Variants in CLINT1 observed in about 807,000 individuals in gnomAD.
The protein encoded by CLINT1 is clathrin interacting protein localized in the trans-Golgi region.
Under a neutral mutation model 70.4 loss-of-function variants are expected in CLINT1, and 15 were observed. That is an observed-to-expected ratio of 0.21 (90% CI 0.14 to 0.33). The LOEUF is 0.33. CLINT1 is among the 10% of genes least tolerant of loss of function. The pLI, the probability that CLINT1 is intolerant of heterozygous loss-of-function variation, is 1.00. For missense variants in CLINT1, 615 were observed against 778.1 expected (o/e 0.79, Z 2.49); for synonymous variants, 227 against 254.7 (o/e 0.89, Z 1.04).
intron 1 of CLINT1, 150 bp downstream of exon 1, chr5:157,858,780 C>T (rs890545552): frequency 7.6e-5 from 60 of 789,238 alleles, no homozygotes; most frequent in Middle Eastern, 2.7e-4. Context: ...GGGATGAGGC[C>T]CGGGGCCGGG....
In CLINT1 at chr5:157,786,375, T is replaced by C. The variant is rs572750374; in HGVS notation, c.*1271A>G. On this transcript the variant is annotated 3_prime_UTR_variant, in exon 12 of 12. Coordinates refer to ENST00000411809, the MANE Select transcript of CLINT1 (RefSeq NM_014666.4). ...GTTTTATCAATTTAATAAAAAAATT[T>C]TCAACATAACATGGGGAGGTAATAA... is the stretch of plus-strand genomic sequence containing the variant. 2 of 152,644 alleles carry C rather than the reference T, an allele frequency of 1.3e-5. No homozygotes were observed. The highest frequency in any genetic ancestry group is 4.8e-5 in the African/African-American group (2 of 41,556). 9.5% of individuals were successfully genotyped at this position (152,644 alleles called of 1,614,324 possible).
chr5:157,805,813 G>C (rs1007078813), intron 7 of CLINT1, 53 bp downstream of exon 7: 5 of 1,600,078 alleles, frequency 3.1e-6, no homozygotes, highest in Non-Finnish European at 4.3e-6. Flanking sequence ...AATTCGAAGA[G>C]CGGTTTATAA....
intron 1 of CLINT1, among the ~76,000 whole-genome samples, chr5:157,840,648 G>A (rs1753142246): frequency 6.6e-6 from 1 of 151,538 alleles, no homozygotes; most frequent in South Asian, 2.1e-4. Flanking sequence ...AGCAAAGATG[G>A]CAAAATCTTA....
chr5:157,816,759 T>C lies in CLINT1; in HGVS notation c.218A>G (p.Lys73Arg), dbSNP rs766288261. ...MLWSRMLKDN[K>R]KNWRRVYKSL... ...CTTATAAACTCTTCTCCAATTCTTT[T>C]TGTTGTCTTTTAACATTCGTGACCA... Residue 73 changes from lysine (K) to arginine (R), a missense_variant, in exon 3 of 12, where the codon AAA (lysine) becomes AGA (arginine). Around this residue, in one of 2 missense-constraint regions of CLINT1, gnomAD observed 241 missense variants for 368.6 expected, o/e 0.65. Coordinates refer to ENST00000411809, the MANE Select transcript of CLINT1 (RefSeq NM_014666.4). The C allele has an allele frequency of 1.9e-6, 3 of 1,610,752 alleles. No homozygotes were observed. The highest frequency in any genetic ancestry group is 2.5e-6 in the Non-Finnish European group (3 of 1,178,576).
chr5:157,817,919 G>A (rs969757287), intron 1 of CLINT1, among the ~76,000 whole-genome samples: 1 of 152,138 alleles, frequency 6.6e-6, no homozygotes, highest in African/African-American at 2.4e-5. Flanking sequence ...TACATGCAAT[G>A]CAGGCTTATG....
chr5:157,813,723 T>C (rs904994599), intron 4 of CLINT1, among the ~76,000 whole-genome samples: 10 of 152,194 alleles, frequency 6.6e-5, no homozygotes, highest in African/African-American at 2.4e-4. Flanking sequence ...TGCTTACAAG[T>C]GGGGTACGCT....
intron 1 of CLINT1, among the ~76,000 whole-genome samples, chr5:157,845,423 T>C (rs1753336789): frequency 6.6e-6 from 1 of 152,132 alleles, no homozygotes; most frequent in Non-Finnish European, 1.5e-5. Context: ...TTTTAATTTG[T>C]GTGAGGTATA....
chr5:157,839,087 G>C (rs188954708), intron 1 of CLINT1, among the ~76,000 whole-genome samples: 1 of 152,028 alleles, frequency 6.6e-6, no homozygotes, highest in Non-Finnish European at 1.5e-5. Flanking sequence ...AAATTGGCCA[G>C]ATGTGGTGGT....
At chr5:157,814,109 G>T in intron 4 of CLINT1, 76 bp downstream of exon 4, 1 of 898,308 alleles carries the variant, frequency 1.1e-6, no homozygotes, top group East Asian at 2.6e-5. Flanking sequence ...GAGCAGAGAA[G>T]CTTCTAAGCT....
Position 157,791,744 on chromosome 5 carries a change from T to G in CLINT1, c.1339A>C (p.Thr447Pro), listed in dbSNP as rs778832459. The change falls in exon 10 of 12, where the codon ACT becomes CCT. Residue 447 changes from threonine to proline, a missense_variant. Transcript: ENST00000411809. ...SQSMNFSMMS[T>P]NTVGLGLPMS... ...GGCAAACCAAGTCCCACAGTGTTAGTGCTCATCATAGAGAAATTCATACTC... is the reference window on the plus strand; with the variant it reads ...GGCAAACCAAGTCCCACAGTGTTAGGGCTCATCATAGAGAAATTCATACTC... The G allele has an allele frequency of 4.3e-6, 7 of 1,614,032 alleles. No individual in the cohort carries two copies. The highest frequency in any genetic ancestry group is 5.9e-6 in the Non-Finnish European group (7 of 1,179,886).
chr5:157,822,881 T>G (rs1265096203), intron 1 of CLINT1, among the ~76,000 whole-genome samples: 4 of 152,226 alleles, frequency 2.6e-5, no homozygotes, highest in Admixed American at 6.5e-5. Flanking sequence ...GAATATGCTT[T>G]GCTAAAACAA....
In CLINT1 at chr5:157,844,787, TCA is replaced by T. The variant is rs1753312995; in HGVS notation, c.41+14141_41+14142del. On this transcript the variant is annotated intron_variant, in intron 1 of 11. Coordinates refer to ENST00000411809, the MANE Select transcript of CLINT1 (RefSeq NM_014666.4). ...GGATTATAGAACTTTTAAAAGTTGG[TCA>T]CAGAGGACCACTGATTCTGAAGCAC... Among the ~76,000 whole-genome samples the T allele has an allele frequency of 2.6e-5, 4 of 152,352 alleles. No individual in the cohort carries two copies. In the South Asian group the frequency reaches 8.3e-4, roughly 32 times the overall value.
chr5:157,791,937 T>C lies in CLINT1; in HGVS notation c.1146A>G (p.Pro382=), dbSNP rs943085865. Residue 382 remains proline, a synonymous_variant, in exon 10 of 12, where the codon CCA becomes CCG. Coordinates refer to ENST00000411809, the MANE Select transcript of CLINT1 (RefSeq NM_014666.4). ...FGDWSAFNQA[P]SGPVASSGEF... ...CGCCACTGGAAGCAACAGGGCCTGA[T>C]GGGGCTTGGTTGAAGGCACTCCAGT... The C allele has an allele frequency of 1.9e-6, 3 of 1,614,022 alleles. No individual in the cohort carries two copies. Among genetic ancestry groups the C allele is most frequent in the Non-Finnish European group, 2.5e-6 (3 of 1,179,878 alleles).
chr5:157,836,297 A>C (rs1157381834), intron 1 of CLINT1, among the ~76,000 whole-genome samples: 1 of 152,220 alleles, frequency 6.6e-6, no homozygotes, highest in African/African-American at 2.4e-5. Context: ...TACAGATGAG[A>C]AAACTGAGGC....
chr5:157,815,992 T>A (rs1304385808), intron 3 of CLINT1, among the ~76,000 whole-genome samples: 2 of 152,162 alleles, frequency 1.3e-5, no homozygotes, highest in Non-Finnish European at 2.9e-5. Context: ...CAAGAATTTT[T>A]AAAAAACCAA....
chr5:157,853,677 T>C (rs1753651075), intron 1 of CLINT1, among the ~76,000 whole-genome samples: 1 of 142,914 alleles, frequency 7.0e-6, no homozygotes, highest in Non-Finnish European at 1.5e-5. Context: ...CTCAGGAGGC[T>C]GAAGCAAGAG....
chr5:157,795,622 A>T (rs2113141758), intron 8 of CLINT1: 1 of 152,304 alleles, frequency 6.6e-6, no homozygotes, highest in Non-Finnish European at 1.5e-5. Flanking sequence ...ACAGTACACA[A>T]CAAACAAATA....
At chr5:157,834,542 A>G (rs1763354034) in intron 1 of CLINT1, among the ~76,000 whole-genome samples, 1 of 152,206 alleles carries the variant, frequency 6.6e-6, no homozygotes, top group Non-Finnish European at 1.5e-5. Context: ...CAACTTACCT[A>G]TCTAGCCTTT....
At chr5:157,857,129 C>A (rs1753784064) in intron 1 of CLINT1, among the ~76,000 whole-genome samples, 1 of 151,520 alleles carries the variant, frequency 6.6e-6, no homozygotes, top group Non-Finnish European at 1.5e-5. Context: ...TGCCTGTAGT[C>A]CTGGCCACTT....
Sources: gnomAD v4.1 joint callset for allele counts (sites outside exome capture counted in the v4.1 genomes callset) on GRCh38, gnomAD v4.1.1 for gene constraint, gnomAD v4.1.1 regional missense constraint, MANE v1.5 for transcripts, NCBI Gene and HGNC (gene_info 2026-07-23, HGNC 2026-07-21) for gene names.